YPEL2: variants seen among roughly 807,000 people sequenced by gnomAD.
YPEL2 encodes the protein yippee like 2, also known as protein yippee-like 2.
In YPEL2, 2 loss-of-function variants were observed where a neutral mutation model predicts 19.1. The observed-to-expected ratio is 0.10, with a 90% CI of 0.04 to 0.33. The LOEUF is 0.33. Among genes scored for constraint, YPEL2 ranks in the 10% least tolerant of loss-of-function variants. YPEL2 has a pLI of 1.00. For synonymous variants in YPEL2, 52 were observed against 50.0 expected (o/e 1.04, Z -0.17); for missense variants, 66 against 140.7 (o/e 0.47, Z 2.68).
intron 2 of YPEL2, among the ~76,000 whole-genome samples, chr17:59,376,630 G>T (rs2047922281): frequency 6.6e-6 from 1 of 152,126 alleles, no homozygotes; most frequent in Non-Finnish European, 1.5e-5. Flanking sequence ...TTGTTGAGAG[G>T]ATTAAGTTAC....
intron 2 of YPEL2, among the ~76,000 whole-genome samples, chr17:59,381,034 G>A (rs1307970230): frequency 2.0e-5 from 3 of 152,230 alleles, no homozygotes; most frequent in Non-Finnish European, 2.9e-5. Context: ...AGGAGGAGAG[G>A]TAGGGACTTT....
intron 2 of YPEL2, among the ~76,000 whole-genome samples, chr17:59,371,187 G>A (rs1463162332): frequency 2.6e-5 from 4 of 152,196 alleles, no homozygotes; most frequent in Non-Finnish European, 1.5e-5. Context: ...TGGCCAAGGT[G>A]CCCTTTCGGC....
At position 59,375,159 on chromosome 17, in the gene YPEL2, C is replaced by T. The variant is rs192414131; in HGVS notation, c.118-13168C>T. ...GGTTTGGTAGAAATGTGGGGGAGAG[C>T]CATGCTTCAGGTGCATGGTTGACCT... On this transcript the variant is annotated intron_variant, in intron 2 of 4. Transcript: ENST00000312655. 2.6e-5 allele frequency among the ~76,000 whole-genome samples: 4 copies of T among 152,230 alleles called. No individual in the cohort carries two copies. In the East Asian group the frequency reaches 7.7e-4, roughly 29 times the overall value.
intron 2 of YPEL2, among the ~76,000 whole-genome samples, chr17:59,382,497 A>G (rs2047954673): frequency 6.6e-6 from 1 of 152,242 alleles, no homozygotes; most frequent in Non-Finnish European, 1.5e-5. Context: ...TTAAAATGAC[A>G]TACCCCTATC....
intron 2 of YPEL2, chr17:59,363,186 G>A (rs541491451): frequency 1.3e-5 from 2 of 151,956 alleles, no homozygotes; most frequent in South Asian, 2.1e-4. Flanking sequence ...ACAGGGTCTC[G>A]CTATGTTGCC....
At chr17:59,392,892 C>T (rs1038223957) in intron 4 of YPEL2, among the ~76,000 whole-genome samples, 1 of 151,790 alleles carries the variant, frequency 6.6e-6, no homozygotes, top group South Asian at 2.1e-4. Flanking sequence ...TCAGGTGATC[C>T]CCCCACCTTG....
At chr17:59,339,043 CTCTT>C (rs2047713683) in intron 1 of YPEL2, among the ~76,000 whole-genome samples, 2 of 152,102 alleles carry the variant, frequency 1.3e-5, no homozygotes, top group African/African-American at 2.4e-5. Context: ...CTTGCCCTTG[CTCTT>C]TCTGTTTTTG....
intron 2 of YPEL2, among the ~76,000 whole-genome samples, chr17:59,359,696 G>A (rs1419342371): frequency 6.6e-6 from 1 of 152,118 alleles, no homozygotes. Context: ...AATAAAATTC[G>A]AGTATGTTTT....
intron 3 of YPEL2, chr17:59,389,055 G>T: frequency 2.6e-6 from 1 of 383,858 alleles, no homozygotes; most frequent in African/African-American, 2.0e-5. Context: ...CAGTGTGGCT[G>T]TCAGCTTGTC....
At chr17:59,357,022 C>G (rs1056286872) in intron 2 of YPEL2, among the ~76,000 whole-genome samples, 1 of 152,272 alleles carries the variant, frequency 6.6e-6, no homozygotes, top group Middle Eastern at 3.4e-3. Context: ...AGTGTATGCT[C>G]GTGATGTGCT....
chr17:59,353,393 C>A lies in YPEL2; in HGVS notation c.-17C>A. 2 of 1,555,890 alleles carry A rather than the reference C, an allele frequency of 1.3e-6. No individual in the cohort carries two copies. Among genetic ancestry groups the A allele is most frequent in the Non-Finnish European group, 1.7e-6 (2 of 1,144,858 alleles). ...TCGTGGGCTGCCCCAGAGTTCACCCCACACTCAGCAGCACCAATGGTGAAG... is the reference window on the plus strand; with the variant it reads ...TCGTGGGCTGCCCCAGAGTTCACCCAACACTCAGCAGCACCAATGGTGAAG... On this transcript the variant is annotated 5_prime_UTR_variant, in exon 2 of 5. Coordinates refer to ENST00000312655, the MANE Select transcript of YPEL2 (RefSeq NM_001005404.4). This position sits in a 1 kb window ranked among gnomAD's most constrained non-coding sequence, Gnocchi z 4.8.
At chr17:59,381,614 C>T (rs564876049) in intron 2 of YPEL2, among the ~76,000 whole-genome samples, 6 of 152,246 alleles carry the variant, frequency 3.9e-5, no homozygotes, top group Admixed American at 6.5e-5. Flanking sequence ...GCCCAAAATC[C>T]GTGGTTTTGG....
intron 4 of YPEL2, among the ~76,000 whole-genome samples, chr17:59,393,945 C>T (rs897598309): frequency 1.2e-4 from 18 of 152,270 alleles, no homozygotes; most frequent in Non-Finnish European, 2.4e-4. Flanking sequence ...CATCCGATTT[C>T]GCAATCTTTT....
intron 4 of YPEL2, among the ~76,000 whole-genome samples, chr17:59,390,217 G>A (rs899805871): frequency 1.3e-5 from 2 of 152,096 alleles, no homozygotes; most frequent in African/African-American, 4.8e-5. Context: ...GGCCGGGCTG[G>A]TCTCGAACTC....
chr17:59,340,560 C>T (rs1293887707), intron 1 of YPEL2, among the ~76,000 whole-genome samples: 1 of 151,920 alleles, frequency 6.6e-6, no homozygotes, highest in Non-Finnish European at 1.5e-5. Flanking sequence ...GGACTACAGG[C>T]ACCCGCCACC....
chr17:59,346,354 A>T (rs1175587939), intron 1 of YPEL2, among the ~76,000 whole-genome samples: 1 of 152,254 alleles, frequency 6.6e-6, no homozygotes, highest in African/African-American at 2.4e-5. Flanking sequence ...AACCTAGACC[A>T]GCAGTGTAAA....
intron 2 of YPEL2, among the ~76,000 whole-genome samples, chr17:59,374,349 T>C (rs1045868700): frequency 4.7e-4 from 72 of 152,226 alleles, no homozygotes; most frequent in Non-Finnish European, 1.8e-4. Flanking sequence ...TAGGAGTTCT[T>C]CAGTCCCCAC....
chr17:59,394,469 G>A (rs918867660), intron 4 of YPEL2, among the ~76,000 whole-genome samples: 2 of 151,362 alleles, frequency 1.3e-5, no homozygotes, highest in African/African-American at 4.9e-5. Flanking sequence ...GCCGGGAAGA[G>A]GCACTCCTCA....
At chr17:59,380,732 C>T (rs894154969) in intron 2 of YPEL2, among the ~76,000 whole-genome samples, 2 of 152,214 alleles carry the variant, frequency 1.3e-5, no homozygotes, top group African/African-American at 4.8e-5. Context: ...CAATATGACT[C>T]TTTGAAGCTT....
Sources: gnomAD v4.1 joint callset for allele counts (sites outside exome capture counted in the v4.1 genomes callset) on GRCh38, gnomAD v4.1.1 for gene constraint, Gnocchi (gnomAD v3.1) non-coding constraint, MANE v1.5 for transcripts, NCBI Gene and HGNC (gene_info 2026-07-23, HGNC 2026-07-21) for gene names.